Variants in FMN2 observed in about 807,000 individuals in gnomAD.
FMN2 encodes formin-2.
FMN2 carries 51 observed loss-of-function variants against 142.3 expected under a neutral mutation model. The observed-to-expected ratio is 0.36, with a 90% CI of 0.29 to 0.45. FMN2 has a LOEUF of 0.45. Among genes scored for constraint, FMN2 ranks in the 20% least tolerant of loss-of-function variants. FMN2 has a pLI of 1.00. For synonymous variants in FMN2, 882 were observed against 869.8 expected, an observed-to-expected ratio of 1.01 and a Z score of -0.25; for missense variants, 1,936 against 2,122.8, an observed-to-expected ratio of 0.91 and a Z score of 1.73.
At chr1:240,259,045 A>G (rs1007428258) in intron 7 of FMN2, among the ~76,000 whole-genome samples, 10 of 152,194 alleles carry the variant, frequency 6.6e-5, no homozygotes, top group African/African-American at 2.4e-4. Flanking sequence ...ATTGATGAGT[A>G]ACTCTTAATC....
At chr1:240,137,172 T>C (rs1297769541) in intron 2 of FMN2, among the ~76,000 whole-genome samples, 1 of 151,834 alleles carries the variant, frequency 6.6e-6, no homozygotes, top group East Asian at 1.9e-4. Flanking sequence ...GGTTTTTTTG[T>C]TTCTTGTTTT....
intron 14 of FMN2, among the ~76,000 whole-genome samples, chr1:240,357,864 C>T (rs2103049570): frequency 6.6e-6 from 1 of 152,302 alleles, no homozygotes; most frequent in East Asian, 1.9e-4. Flanking sequence ...TCTTCGGCCT[C>T]CCAAAGTGCT....
chr1:240,471,105 C>T (rs1349692688), intron 16 of FMN2, among the ~76,000 whole-genome samples: 2 of 152,170 alleles, frequency 1.3e-5, no homozygotes, highest in Non-Finnish European at 2.9e-5. Context: ...CTCCAAATAG[C>T]ATCTTCTTTT....
At chr1:240,114,145 T>C (rs1003968650) in intron 1 of FMN2, among the ~76,000 whole-genome samples, 4 of 152,310 alleles carry the variant, frequency 2.6e-5, no homozygotes, top group African/African-American at 9.6e-5. Flanking sequence ...CCACCTACTT[T>C]TTTGTGAAAT....
chr1:240,209,505 C>T (rs1277722326), intron 5 of FMN2, among the ~76,000 whole-genome samples: 1 of 151,082 alleles, frequency 6.6e-6, no homozygotes, highest in Non-Finnish European at 1.5e-5. Context: ...CCGCCCGCCT[C>T]GGCTTCCCAA....
chr1:240,156,973 A>G (rs1664050261), intron 2 of FMN2, among the ~76,000 whole-genome samples: 1 of 152,238 alleles, frequency 6.6e-6, no homozygotes, highest in Admixed American at 6.5e-5. Context: ...TGGACAGAAT[A>G]ATAGAATTAT....
chr1:240,192,391 C>T (rs1198691701), intron 4 of FMN2, among the ~76,000 whole-genome samples: 1 of 152,106 alleles, frequency 6.6e-6, no homozygotes, highest in Non-Finnish European at 1.5e-5. Context: ...TAAAACAAGC[C>T]ATTTGAATTG....
At chr1:240,418,612 G>T (rs1485506202) in intron 15 of FMN2, among the ~76,000 whole-genome samples, 3 of 152,238 alleles carry the variant, frequency 2.0e-5, no homozygotes, top group Non-Finnish European at 2.9e-5. Context: ...TTACATAAAA[G>T]AAGACTGTCT....
At chr1:240,290,788 T>G (rs961066626) in intron 7 of FMN2, among the ~76,000 whole-genome samples, 2 of 113,576 alleles carry the variant, frequency 1.8e-5, no homozygotes, top group Non-Finnish European at 3.6e-5. Context: ...TGGTTTTTTT[T>G]TTTTGTTTTT....
chr1:240,432,987 A>G (rs931244926), intron 15 of FMN2, among the ~76,000 whole-genome samples: 2 of 152,132 alleles, frequency 1.3e-5, no homozygotes, highest in Non-Finnish European at 2.9e-5. Context: ...AGTTTTTGAT[A>G]ATAATATTCA....
chr1:240,431,405 T>TATATATATAC (rs1675168487), intron 15 of FMN2, among the ~76,000 whole-genome samples: 7 of 18,626 alleles, frequency 3.8e-4, no homozygotes, highest in African/African-American at 6.4e-4. Context: ...CCATGTTTTA[T>TATATATATAC]ATATATATAT....
At chr1:240,146,714 A>G (rs1663498966) in intron 2 of FMN2, among the ~76,000 whole-genome samples, 1 of 152,196 alleles carries the variant, frequency 6.6e-6, no homozygotes, top group Non-Finnish European at 1.5e-5. Context: ...AATAGTATAT[A>G]GTGAAGAGTA....
At chr1:240,400,416 C>G (rs1417473620) in intron 15 of FMN2, among the ~76,000 whole-genome samples, 1 of 152,186 alleles carries the variant, frequency 6.6e-6, no homozygotes, top group Non-Finnish European at 1.5e-5. Context: ...AATAAAATCA[C>G]CTATATTCCT....
chr1:240,245,956 G>T (rs937773175), intron 6 of FMN2, among the ~76,000 whole-genome samples: 8 of 151,362 alleles, frequency 5.3e-5, no homozygotes, highest in African/African-American at 1.9e-4. Context: ...CGTGGCGGGC[G>T]GATCACGAGG....
chr1:240,124,522 A>G (rs1662420556), intron 2 of FMN2, among the ~76,000 whole-genome samples: 1 of 152,140 alleles, frequency 6.6e-6, no homozygotes, highest in African/African-American at 2.4e-5. Flanking sequence ...AGTCGTTCTC[A>G]GGTATGTGGT....
chr1:240,184,781 C>T (rs1460879765), intron 3 of FMN2, among the ~76,000 whole-genome samples: 2 of 151,826 alleles, frequency 1.3e-5, no homozygotes, highest in African/African-American at 4.8e-5. Context: ...GGAGTGATCA[C>T]TTTCATTTAG....
intron 1 of FMN2, among the ~76,000 whole-genome samples, chr1:240,101,095 C>T (rs1435643254): frequency 1.3e-5 from 2 of 152,132 alleles, no homozygotes; most frequent in South Asian, 4.1e-4. Flanking sequence ...AGGCTGAGAA[C>T]AATCTATTTC....
intron 1 of FMN2, among the ~76,000 whole-genome samples, chr1:240,103,158 T>G (rs551971148): frequency 1.6e-4 from 25 of 152,322 alleles, no homozygotes; most frequent in South Asian, 6.2e-4. Flanking sequence ...GAGCCACTGC[T>G]CCTGGCCAAT....
intron 15 of FMN2, among the ~76,000 whole-genome samples, chr1:240,420,547 G>A (rs966992369): frequency 6.6e-6 from 1 of 152,160 alleles, no homozygotes; most frequent in African/African-American, 2.4e-5. Flanking sequence ...GAGAAGAGCT[G>A]GTAGCTTCTG....
Sources: allele counts gnomAD v4.1 joint callset (sites outside exome capture counted in the v4.1 genomes callset), GRCh38; gene constraint gnomAD v4.1.1; transcripts MANE v1.5; gene names NCBI Gene and HGNC (gene_info 2026-07-23, HGNC 2026-07-21).